The following STK40 variants were observed in gnomAD, a reference collection of about 807,000 sequenced individuals.
The protein encoded by STK40 is serine/threonine-protein kinase 40.
In STK40, 13 loss-of-function variants were observed where a neutral mutation model predicts 47.9. The ratio of observed to expected loss-of-function variants is 0.27; its 90% CI spans 0.18 to 0.43. The LOEUF is 0.43. Ranked by LOEUF, STK40 falls within the 20% of genes least tolerant of loss-of-function variation. The pLI is 1.00. For missense variants in STK40, 460 were observed against 595.1 expected (o/e 0.77, Z 2.36); for synonymous variants, 225 against 243.2 (o/e 0.93, Z 0.69).
chr1:36,361,413 C>T (rs1646851336), intron 1 of STK40, 73 bp from the exon 2 acceptor site: 2 of 1,595,204 alleles, frequency 1.3e-6, no homozygotes, highest in South Asian at 1.1e-5. Flanking sequence ...AGCCTGCAGG[C>T]CTTTGACTTG....
intron 6 of STK40, among the ~76,000 whole-genome samples, chr1:36,351,438 A>T (rs1199209401): frequency 6.6e-6 from 1 of 152,044 alleles, no homozygotes; most frequent in African/African-American, 2.4e-5. Context: ...ACGAGGTGAG[A>T]GTGGGGCCCC....
intron 1 of STK40, among the ~76,000 whole-genome samples, chr1:36,365,140 G>A (rs1017306600): frequency 2.6e-5 from 4 of 152,098 alleles, no homozygotes; most frequent in African/African-American, 9.7e-5. Flanking sequence ...ACAGGCATGT[G>A]CCACCACACC....
chr1:36,352,544 C>A (rs1646768583), intron 6 of STK40, among the ~76,000 whole-genome samples: 1 of 152,178 alleles, frequency 6.6e-6, no homozygotes, highest in Non-Finnish European at 1.5e-5. Flanking sequence ...AGGTCTGACC[C>A]CCATGTCAGT....
chr1:36,353,097 C>T (rs760869017), intron 6 of STK40, among the ~76,000 whole-genome samples: 1 of 152,210 alleles, frequency 6.6e-6, no homozygotes, highest in African/African-American at 2.4e-5. Context: ...CAGTGGGCCT[C>T]GGGCCCTTCC....
At chr1:36,361,638 G>A (rs1398513706) in intron 1 of STK40, among the ~76,000 whole-genome samples, 1 of 152,078 alleles carries the variant, frequency 6.6e-6, no homozygotes, top group Non-Finnish European at 1.5e-5. Context: ...GGAGAAAACT[G>A]GGCTTTGTGC....
chr1:36,371,545 C>A (rs530096759), intron 1 of STK40, among the ~76,000 whole-genome samples: 2 of 151,272 alleles, frequency 1.3e-5, no homozygotes, highest in Admixed American at 1.3e-4. Context: ...GGTGACAGAG[C>A]GAGACTCCAT....
intron 7 of STK40, among the ~76,000 whole-genome samples, chr1:36,345,884 T>C (rs1437241441): frequency 6.7e-6 from 1 of 149,638 alleles, no homozygotes. Context: ...CGACCTTCCC[T>C]GGGCTTTGGC....
At chr1:36,345,991 A>ATCTATTTTTTTTTT in intron 7 of STK40, among the ~76,000 whole-genome samples, 1 of 26,468 alleles carries the variant, frequency 3.8e-5, no homozygotes, top group Non-Finnish European at 6.9e-5. Flanking sequence ...ATATATATAT[A>ATCTATTTTTTTTTT]TTTTTTTTTT....
At chr1:36,349,675 G>A (rs758045650) in intron 6 of STK40, among the ~76,000 whole-genome samples, 21 of 151,774 alleles carry the variant, frequency 1.4e-4, no homozygotes, top group Non-Finnish European at 2.4e-4. Flanking sequence ...GTGGGGCAGG[G>A]CAGCTTTGGG....
rs190408234 is a variant in STK40, at chr1:36,365,795, A to T, written c.-8-4455T>A. Among the ~76,000 whole-genome samples, 449 of 152,302 alleles carry T rather than the reference A, an allele frequency of 2.9e-3. 2 individuals are homozygous for T. Among genetic ancestry groups the T allele is most frequent in the African/African-American group, 0.01 (425 of 41,574 alleles). ...GTAATTTTCCTCCATAGTACTTTCC[A>T]GATTTTGTAACTATGTATTTATTTG... On this transcript the variant is annotated intron_variant, in intron 1 of 10. Coordinates refer to ENST00000373132, the MANE Select transcript of STK40 (RefSeq NM_001282547.2).
intron 9 of STK40, among the ~76,000 whole-genome samples, 157 bp from the exon 10 acceptor site, chr1:36,343,605 C>T (rs1557503672): frequency 6.6e-6 from 1 of 152,224 alleles, no homozygotes; most frequent in Non-Finnish European, 1.5e-5. Context: ...GACAATTTCT[C>T]CCTTACAGGT....
chr1:36,341,198 A>G lies in STK40; in HGVS notation c.*557T>C. On this transcript the variant is annotated 3_prime_UTR_variant, in exon 11 of 11. Transcript: ENST00000373132. ...GGAGAGAAGTTGGTATGGTAAAAAA[A>G]TAAATATATTTGAGTTCGGTTTAAG... 6.5e-6 allele frequency: 1 copy of G among 153,546 alleles called. No homozygotes were observed. Among genetic ancestry groups the G allele is most frequent in the Non-Finnish European group, 1.5e-5 (1 of 68,632 alleles). 9.5% of individuals were successfully genotyped at this position (153,546 alleles called of 1,614,324 possible).
chr1:36,356,499 C>T (rs923491661), intron 4 of STK40, among the ~76,000 whole-genome samples: 27 of 145,838 alleles, frequency 1.9e-4, no homozygotes, highest in Admixed American at 9.8e-4. Flanking sequence ...GCTCTCGGCT[C>T]ACTGCAAGCT....
intron 4 of STK40, among the ~76,000 whole-genome samples, chr1:36,357,394 A>G (rs1381929715): frequency 4.6e-5 from 7 of 152,264 alleles, no homozygotes; most frequent in Admixed American, 4.6e-4. Context: ...TCAGCTGAGG[A>G]ATGGGGCTGT....
intron 10 of STK40, 80 bp from the exon 11 acceptor site, chr1:36,342,053 G>A: frequency 7.4e-7 from 1 of 1,354,296 alleles, no homozygotes; most frequent in Admixed American, 2.0e-5. Context: ...GCAGGCAAGA[G>A]TGCTGGCAGC....
chr1:36,376,793 C>A (rs1210847767), intron 1 of STK40, among the ~76,000 whole-genome samples: 1 of 151,710 alleles, frequency 6.6e-6, no homozygotes, highest in Admixed American at 6.6e-5. Flanking sequence ...TAGGCAACTT[C>A]TAGAAGAAAT....
At chr1:36,366,536 C>A (rs1646903699) in intron 1 of STK40, among the ~76,000 whole-genome samples, 1 of 152,162 alleles carries the variant, frequency 6.6e-6, no homozygotes, top group African/African-American at 2.4e-5. Context: ...GACAGACCCC[C>A]CTTTCCCTGC....
rs369424507 is a variant in STK40 at position 36,343,338 on chromosome 1, T to C, written c.1089+26A>G. On this transcript the variant is annotated intron_variant, in intron 10 of 10. Coordinates refer to ENST00000373132, the MANE Select transcript of STK40 (RefSeq NM_001282547.2). ...AAGCCTGTCCCTTGGGGCTGGGTAATGGCCCATCTGCCCTCCCCAACTCAC... is the reference window on the plus strand; with the variant it reads ...AAGCCTGTCCCTTGGGGCTGGGTAACGGCCCATCTGCCCTCCCCAACTCAC... 6.9e-6 allele frequency: 11 copies of C among 1,604,596 alleles called. 1 individual carries two copies. The highest frequency in any genetic ancestry group is 9.4e-6 in the Non-Finnish European group (11 of 1,174,414).
At chr1:36,347,005 C>T (rs548343882) in intron 7 of STK40, among the ~76,000 whole-genome samples, 1 of 152,290 alleles carries the variant, frequency 6.6e-6, no homozygotes, top group South Asian at 2.1e-4. Context: ...ACCCCTGGCA[C>T]CCAGTTCCCT....
Sources: allele counts gnomAD v4.1 joint callset (sites outside exome capture counted in the v4.1 genomes callset), GRCh38; gene constraint gnomAD v4.1.1; transcripts MANE v1.5; gene names NCBI Gene and HGNC (gene_info 2026-07-23, HGNC 2026-07-21).